ATG10: variants seen among roughly 807,000 people sequenced by gnomAD.
ATG10 encodes the protein ubiquitin-like-conjugating enzyme ATG10.
A neutral mutation model predicts 32.1 loss-of-function variants in ATG10; 30 were observed. That is an observed-to-expected ratio of 0.94 (90% confidence interval 0.70 to 1.27). The LOEUF is 1.27. Ranked by LOEUF, ATG10 falls within the 50% of genes most tolerant of loss-of-function variation. The pLI, the probability that ATG10 is intolerant of heterozygous loss-of-function variation, is 0.00. For missense variants in ATG10, 233 were observed against 262.3 expected (o/e 0.89, Z 0.77); for synonymous variants, 87 against 91.5 (o/e 0.95, Z 0.28).
chr5:82,000,853 C>T (rs1027499168), intron 2 of ATG10, among the ~76,000 whole-genome samples: 1 of 152,160 alleles, frequency 6.6e-6, no homozygotes, highest in Non-Finnish European at 1.5e-5. Context: ...GATGGGGTTT[C>T]ACCATGTTGG....
intron 3 of ATG10, among the ~76,000 whole-genome samples, chr5:82,076,271 A>G (rs895480311): frequency 5.3e-5 from 8 of 152,054 alleles, no homozygotes; most frequent in African/African-American, 1.9e-4. Flanking sequence ...TTTTACTGGT[A>G]TTTTCTGATT....
chr5:82,198,738 A>G (rs1477771848), intron 5 of ATG10, among the ~76,000 whole-genome samples: 2 of 152,226 alleles, frequency 1.3e-5, no homozygotes, highest in Non-Finnish European at 2.9e-5. Flanking sequence ...GAAAGGGAAC[A>G]GTACTTGGGA....
At chr5:82,139,008 A>C (rs1454310906) in intron 3 of ATG10, among the ~76,000 whole-genome samples, 1 of 149,752 alleles carries the variant, frequency 6.7e-6, no homozygotes, top group Non-Finnish European at 1.5e-5. Context: ...ACGCGCCGCC[A>C]CGCCTGACTG....
chr5:82,107,263 G>A (rs1459385703), intron 3 of ATG10, among the ~76,000 whole-genome samples: 1 of 152,042 alleles, frequency 6.6e-6, no homozygotes, highest in Non-Finnish European at 1.5e-5. Context: ...AATTCTGACA[G>A]GATTATTATC....
chr5:82,097,475 AT>A (rs1765108695), intron 3 of ATG10, among the ~76,000 whole-genome samples: 1 of 152,206 alleles, frequency 6.6e-6, no homozygotes, highest in African/African-American at 2.4e-5. Flanking sequence ...GTCACAATAG[AT>A]CCATCTGGAA....
intron 2 of ATG10, among the ~76,000 whole-genome samples, chr5:82,029,241 C>T (rs1466168833): frequency 6.6e-6 from 1 of 152,114 alleles, no homozygotes; most frequent in African/African-American, 2.4e-5. Flanking sequence ...GATAAATATT[C>T]TCTACAGAGA....
At chr5:82,009,736 C>G in intron 2 of ATG10, 1 of 1,599,154 alleles carries the variant, frequency 6.3e-7, no homozygotes, top group Non-Finnish European at 8.6e-7. Context: ...TCCAACCACT[C>G]AGTCTTGGCA....
At chr5:81,975,309 T>C (rs1234935993) in intron 1 of ATG10, among the ~76,000 whole-genome samples, 1 of 152,182 alleles carries the variant, frequency 6.6e-6, no homozygotes, top group East Asian at 1.9e-4. Flanking sequence ...TTGAGAAGAA[T>C]GTGTATTCTG....
intron 2 of ATG10, among the ~76,000 whole-genome samples, chr5:82,024,609 G>A (rs990890112): frequency 1.3e-5 from 2 of 152,104 alleles, no homozygotes; most frequent in Non-Finnish European, 2.9e-5. Flanking sequence ...AAAGCATTTG[G>A]TCTAGGATAA....
At chr5:82,235,373 C>T (rs955602148) in intron 5 of ATG10, among the ~76,000 whole-genome samples, 1 of 152,208 alleles carries the variant, frequency 6.6e-6, no homozygotes, top group African/African-American at 2.4e-5. Context: ...GAAATCTGCT[C>T]TGCTTTTGTA....
chr5:82,031,060 AACTT>A (rs1404568110), intron 2 of ATG10, among the ~76,000 whole-genome samples: 4 of 152,156 alleles, frequency 2.6e-5, no homozygotes, highest in African/African-American at 7.2e-5. Context: ...GGTCAAAACT[AACTT>A]CTTATTTTAT....
chr5:81,989,290 T>A (rs1484704908), intron 2 of ATG10, among the ~76,000 whole-genome samples: 2 of 152,206 alleles, frequency 1.3e-5, no homozygotes, highest in Non-Finnish European at 2.9e-5. Context: ...ACAGTTTGGG[T>A]TGGATTTCCT....
At chr5:81,991,710 G>A (rs1393044876) in intron 2 of ATG10, among the ~76,000 whole-genome samples, 3 of 151,688 alleles carry the variant, frequency 2.0e-5, no homozygotes, top group African/African-American at 4.8e-5. Context: ...CAGGAGAGTC[G>A]CTTGAACCTG....
At chr5:81,992,447 G>A (rs1158808204) in intron 2 of ATG10, 1 of 150,506 alleles carries the variant, frequency 6.6e-6, no homozygotes, top group Non-Finnish European at 1.5e-5. Flanking sequence ...TGTCACCCAC[G>A]CTGGAGTGCA....
At chr5:82,136,763 G>T (rs1244620733) in intron 3 of ATG10, among the ~76,000 whole-genome samples, 1 of 152,122 alleles carries the variant, frequency 6.6e-6, no homozygotes, top group Non-Finnish European at 1.5e-5. Context: ...GGCCTGTTTT[G>T]CTAGGTTGGG....
At chr5:82,109,389 C>T (rs908788817) in intron 3 of ATG10, among the ~76,000 whole-genome samples, 8 of 151,954 alleles carry the variant, frequency 5.3e-5, no homozygotes, top group Non-Finnish European at 1.0e-4. Flanking sequence ...AGTAGACTTC[C>T]GCCTCATGAC....
chr5:82,214,903 A>T (rs952112711), intron 5 of ATG10, among the ~76,000 whole-genome samples: 1 of 152,244 alleles, frequency 6.6e-6, no homozygotes, highest in African/African-American at 2.4e-5. Context: ...GTACCCAGCC[A>T]AGAGGAACTC....
intron 3 of ATG10, among the ~76,000 whole-genome samples, chr5:82,153,117 T>A (rs1320164315): frequency 6.6e-6 from 1 of 152,212 alleles, no homozygotes; most frequent in Non-Finnish European, 1.5e-5. Flanking sequence ...TATATTCTTA[T>A]AGCACTTGCA....
At chr5:82,073,137 T>C (rs1176598875) in intron 3 of ATG10, 1 of 152,196 alleles carries the variant, frequency 6.6e-6, no homozygotes, top group Non-Finnish European at 1.5e-5. Context: ...TCAAACTTTT[T>C]AAATATAAAC....
Sources: allele counts gnomAD v4.1 joint callset (sites outside exome capture counted in the v4.1 genomes callset), GRCh38; gene constraint gnomAD v4.1.1; transcripts MANE v1.5; gene names NCBI Gene and HGNC (gene_info 2026-07-23, HGNC 2026-07-21).